The following ACTA1 variants were observed in gnomAD, a reference collection of about 807,000 sequenced individuals.
ACTA1 encodes actin, alpha skeletal muscle.
In ACTA1, 25 loss-of-function variants were observed where a neutral mutation model predicts 35.8. The ratio of observed to expected loss-of-function variants is 0.70; its 90% CI spans 0.51 to 0.97. The LOEUF (loss-of-function observed/expected upper bound fraction) is 0.97, where lower values mean the gene tolerates loss of function less well. ACTA1 is among the 50% of genes least tolerant of loss of function. The probability of loss-of-function intolerance (pLI) is 0.00; values close to 1 mark genes in which losing one functional copy is unlikely to be tolerated. For synonymous variants in ACTA1, 219 were observed against 217.1 expected (o/e 1.01, Z -0.08); for missense variants, 174 against 533.0 (o/e 0.33, Z 6.63).
rs1659927172 is a variant in ACTA1 at position 229,431,354 on chromosome 1, C to T, written c.*145G>A. The T allele has an allele frequency of 2.7e-6, 3 of 1,104,240 alleles. No homozygotes were observed. The highest frequency in any genetic ancestry group is 1.3e-5 in the South Asian group (1 of 78,324). 68.4% of individuals were successfully genotyped at this position (1,104,240 alleles called of 1,614,324 possible). A position where few individuals can be genotyped will look rare whatever the true frequency, so the allele number is the denominator to read the frequency against. On this transcript the variant is annotated 3_prime_UTR_variant, in exon 7 of 7. Coordinates refer to ENST00000366684, the MANE Select transcript of ACTA1 (RefSeq NM_001100.4). The surrounding 1 kb of genome is among the most constrained non-coding windows in gnomAD (Gnocchi z 7.1). ...ATGAGGTAATAAGTTAATGTATGTA[C>T]ACGTTATAAACACTGTGTCAGTTTA...
chr1:229,431,568 C>T lies in ACTA1; in HGVS notation c.1065G>A (p.Gln355=), dbSNP rs375945657. The T allele has an allele frequency of 9.0e-5, 146 of 1,613,824 alleles. No homozygotes were observed. The highest frequency in any genetic ancestry group is 1.1e-4 in the Non-Finnish European group (133 of 1,180,024). ...ACTCCTGCTTGGTGATCCACATCTG[C>T]TGGAAGGTGGACAGCGAGGCCAGGA... ...GSILASLSTF[Q]QMWITKQEYD... The change falls in exon 7 of 7, where the codon CAG becomes CAA. Residue 355 remains glutamine, a synonymous_variant. Coordinates refer to ENST00000366684, the MANE Select transcript of ACTA1 (RefSeq NM_001100.4). The surrounding 1 kb of genome is among the most constrained non-coding windows in gnomAD (Gnocchi z 7.1).
intron 4 of ACTA1, 25 bp downstream of exon 4, chr1:229,432,245 C>G (rs1430966462): frequency 6.2e-7 from 1 of 1,613,086 alleles, no homozygotes; most frequent in Admixed American, 1.7e-5. Context: ...GGCCCTCCCG[C>G]CCGGGGTGCA....
At chr1:229,432,939 T>C (rs1463090704) in intron 2 of ACTA1, 48 bp downstream of exon 2, 1 of 1,613,850 alleles carries the variant, frequency 6.2e-7, no homozygotes, top group Admixed American at 1.7e-5. Context: ...CCAGGCTGGC[T>C]TACGCGGGGA....
In ACTA1 at chr1:229,433,130, G is replaced by C; in HGVS notation, c.-12-3C>G. 1 of 1,614,052 alleles carries C rather than the reference G, an allele frequency of 6.2e-7. No homozygotes were observed. Among genetic ancestry groups the C allele is most frequent in the Non-Finnish European group, 8.5e-7 (1 of 1,179,970 alleles). ...TCGTCGCACATTGTGTCTAGTTTCT[G>C]CAAGGACAGGGAGACCGCGAAGAGG... On this transcript the variant is annotated splice_region_variant and splice_polypyrimidine_tract_variant and intron_variant, in intron 1 of 6. Transcript: ENST00000366684.
Position 229,431,479 on chromosome 1 carries a change from G to C in ACTA1, c.*20C>G, listed in dbSNP as rs765361206. ...AAGATTCGTCGTCCTGAGAAGTCGCGTGCTGGAGGTGGAGTGTGTCTAGAA... is the reference window on the plus strand; with the variant it reads ...AAGATTCGTCGTCCTGAGAAGTCGCCTGCTGGAGGTGGAGTGTGTCTAGAA... On this transcript the variant is annotated 3_prime_UTR_variant, in exon 7 of 7. Coordinates refer to ENST00000366684, the MANE Select transcript of ACTA1 (RefSeq NM_001100.4). The surrounding 1 kb of genome is among the most constrained non-coding windows in gnomAD (Gnocchi z 7.1). The C allele has an allele frequency of 2.1e-5, 34 of 1,612,538 alleles. No homozygotes were observed. Among genetic ancestry groups the C allele is most frequent in the Non-Finnish European group, 2.9e-5 (34 of 1,180,048 alleles).
chr1:229,432,544 G>A lies in ACTA1; in HGVS notation c.454+12C>T, dbSNP rs755756897. 6.2e-7 allele frequency: 1 copy of A among 1,603,066 alleles called. No homozygotes were observed. The highest frequency in any genetic ancestry group is 1.1e-5 in the South Asian group (1 of 89,124). On this transcript the variant is annotated intron_variant, in intron 3 of 6. Coordinates refer to ENST00000366684, the MANE Select transcript of ACTA1 (RefSeq NM_001100.4). The stretch of plus-strand genomic sequence containing the variant: ...GGGGCGGGAGAGGGGACTGGGGGCA[G>A]CGGGCACTCACCGGTGGTCCTGCCG...
In ACTA1 at chr1:229,432,063, C is replaced by T. The variant is rs1057521117; in HGVS notation, c.739G>A (p.Gly247Arg). ...TCGTTGCCGATGGTGATGACCTGCC[C>T]GTCTGGCAGCTCGTAGCTCTTTTCC... ...SLEKSYELPDGQVITIGNERF... is the reference protein window; with the variant it reads ...SLEKSYELPDRQVITIGNERF... Residue 247 changes from glycine (G) to arginine (R), a missense_variant, in exon 5 of 7, where the codon GGG becomes AGG. Coordinates refer to ENST00000366684, the MANE Select transcript of ACTA1 (RefSeq NM_001100.4). The T allele has an allele frequency of 6.2e-7, 1 of 1,612,550 alleles. No homozygotes were observed. The highest frequency in any genetic ancestry group is 8.5e-7 in the Non-Finnish European group (1 of 1,179,790).
chr1:229,431,959 G>A lies in ACTA1; in HGVS notation c.808+35C>T. 6.2e-7 allele frequency: 1 copy of A among 1,605,700 alleles called. No individual in the cohort carries two copies. Among genetic ancestry groups the A allele is most frequent in the Non-Finnish European group, 8.5e-7 (1 of 1,176,222 alleles). On this transcript the variant is annotated intron_variant, in intron 5 of 6. Transcript: ENST00000366684. The surrounding 1 kb of genome is among the most constrained non-coding windows in gnomAD (Gnocchi z 7.1). ...GCTCGGGGCGCCGGGGGCCGGCGGG[G>A]CCTGGGGGCCGGGGCGAGGGCGAGC...
In ACTA1 at chr1:229,431,398, T is replaced by C. The variant is rs1659929155; in HGVS notation, c.*101A>G. On this transcript the variant is annotated 3_prime_UTR_variant, in exon 7 of 7. Transcript: ENST00000366684. The surrounding 1 kb of genome is among the most constrained non-coding windows in gnomAD (Gnocchi z 7.1). The stretch of plus-strand genomic sequence containing the variant: ...CAGTTTACGATGGCAGCAACGGAAG[T>C]TGTTACAAAGAAAGTGACTGCGGGG... The C allele has an allele frequency of 6.0e-6, 9 of 1,492,140 alleles. No homozygotes were observed. In the Admixed American group the frequency reaches 8.4e-5, roughly 14 times the overall value. 92.4% of individuals were successfully genotyped at this position (1,492,140 alleles called of 1,614,324 possible).
chr1:229,432,415 G>C lies in ACTA1; in HGVS notation c.471C>G (p.Ser157=), dbSNP rs779530455. Residue 157 remains serine, a synonymous_variant, in exon 4 of 7, where the codon TCC becomes TCG. Transcript: ENST00000366684. ...SGRTTGIVLD[S]GDGVTHNVPI... Reference sequence around the variant, plus strand: ...GCACGTTGTGGGTGACGCCGTCGCCGGAGTCCAGCACGATGCCTGTGCGCG... The same window carrying C: ...GCACGTTGTGGGTGACGCCGTCGCCCGAGTCCAGCACGATGCCTGTGCGCG... The C allele has an allele frequency of 6.2e-7, 1 of 1,611,662 alleles. No individual in the cohort carries two copies. The highest frequency in any genetic ancestry group is 1.7e-5 in the Admixed American group (1 of 59,940).
At chr1:229,432,247 CG>C (rs931098868) in intron 4 of ACTA1, 22 bp downstream of exon 4, 3 of 1,613,078 alleles carry the variant, frequency 1.9e-6, no homozygotes, top group Admixed American at 1.7e-5. Context: ...CCCTCCCGCC[CG>C]GGGTGCAGGG....
Position 229,433,089 on chromosome 1 carries a change from G to T in ACTA1, c.27C>A (p.Ala9=), listed in dbSNP as rs749998721. 1 of 1,614,196 alleles carries T rather than the reference G, an allele frequency of 6.2e-7. No homozygotes were observed. Among genetic ancestry groups the T allele is most frequent in the Non-Finnish European group, 8.5e-7 (1 of 1,180,016 alleles). The change falls in exon 2 of 7, where the codon GCC becomes GCA. Residue 9 remains alanine (A), a synonymous_variant. Transcript: ENST00000366684. The stretch of plus-strand genomic sequence containing the variant: ...GGCCGGAGCCATTGTCGCACACGAG[G>T]GCGGTGGTCTCGTCTTCGTCGCACA... MCDEDETT[A]LVCDNGSGLV...
chr1:229,432,305 ATC>A lies in ACTA1; in HGVS notation c.579_580del (p.Lys193AsnfsTer4). On this transcript the variant is annotated frameshift_variant, in exon 4 of 7. Coordinates refer to ENST00000366684, the MANE Select transcript of ACTA1 (RefSeq NM_001100.4). LOFTEE classifies it high-confidence loss of function. ...GAAGGAGTAGCCACGCTCAGTGAGG[ATC>A]TTCATCAGGTAGTCGGTGAGATCGC... is the stretch of plus-strand genomic sequence containing the variant. The A allele has an allele frequency of 6.2e-7, 1 of 1,613,726 alleles. No individual in the cohort carries two copies. Among genetic ancestry groups the A allele is most frequent in the Non-Finnish European group, 8.5e-7 (1 of 1,179,824 alleles).
Position 229,431,686 on chromosome 1 carries a change from C to T in ACTA1, c.990+35G>A, listed in dbSNP as rs773313243. 5.6e-6 allele frequency: 9 copies of T among 1,613,832 alleles called. No individual in the cohort carries two copies. The highest frequency in any genetic ancestry group is 1.7e-5 in the Admixed American group (1 of 59,990). ...GGTGGGGAGACCTCACCCTGGAGCC[C>T]ACCCCGCCGACAGCCCGCGCAGGCC... On this transcript the variant is annotated intron_variant, in intron 6 of 6. Transcript: ENST00000366684. The surrounding 1 kb of genome is among the most constrained non-coding windows in gnomAD (Gnocchi z 7.1).
chr1:229,433,009 A>G lies in ACTA1; in HGVS notation c.107T>C (p.Ile36Thr). The stretch of plus-strand genomic sequence containing the variant: ...GACCTGGTGTCGGGGGCGGCCCACG[A>G]TGGACGGGAACACGGCCCTAGGGGC... Reference protein sequence around the residue: ...DDAPRAVFPSIVGRPRHQGVM... With the variant: ...DDAPRAVFPSTVGRPRHQGVM... Residue 36 changes from isoleucine to threonine, a missense_variant, in exon 2 of 7, where the codon ATC (isoleucine) becomes ACC (threonine). Ile to Thr is a moderately conservative substitution (Grantham distance 89). Coordinates refer to ENST00000366684, the MANE Select transcript of ACTA1 (RefSeq NM_001100.4). 6.2e-7 allele frequency: 1 copy of G among 1,613,658 alleles called. No individual in the cohort carries two copies. The highest frequency in any genetic ancestry group is 1.3e-5 in the African/African-American group (1 of 75,046).
intron 1 of ACTA1, 62 bp from the exon 2 acceptor site, chr1:229,433,189 G>C (rs557950724): frequency 2.5e-4 from 387 of 1,537,930 alleles, no homozygotes; most frequent in Non-Finnish European, 2.7e-4. Context: ...TCAGCGGCAG[G>C]GGGGGGTAAG....
intron 4 of ACTA1, 42 bp from the exon 5 acceptor site, chr1:229,432,227 C>T (rs1659959693): frequency 6.2e-7 from 1 of 1,612,524 alleles, no homozygotes; most frequent in East Asian, 2.2e-5. Flanking sequence ...CACTCAGGGG[C>T]CGCCGCCGGC....
chr1:229,432,250 G>A lies in ACTA1; in HGVS notation c.616+20C>T, dbSNP rs200705851. ...GGCCGCCGCCGGCCCTCCCGCCCGG[G>A]GTGCAGGGGCGCCGCGCACCTGTGG... On this transcript the variant is annotated intron_variant, in intron 4 of 6. Transcript: ENST00000366684. 2 of 1,613,202 alleles carry A rather than the reference G, an allele frequency of 1.2e-6. No homozygotes were observed. Among genetic ancestry groups the A allele is most frequent in the African/African-American group, 1.3e-5 (1 of 74,908 alleles).
Position 229,432,082 on chromosome 1 carries a change from C to T in ACTA1, c.720G>A (p.Lys240=), listed in dbSNP as rs771443604. The T allele has an allele frequency of 6.2e-7, 1 of 1,613,012 alleles. No individual in the cohort carries two copies. Residue 240 remains lysine (K), a synonymous_variant, in exon 5 of 7, where the codon AAG becomes AAA. Coordinates refer to ENST00000366684, the MANE Select transcript of ACTA1 (RefSeq NM_001100.4). ...CCTGCCCGTCTGGCAGCTCGTAGCT[C>T]TTTTCCAGGGAGGAGGAGGAGGCGG... ...ATAASSSSLE[K]SYELPDGQVI... is the part of the protein sequence containing the mutation.
Sources: gnomAD v4.1 joint callset for allele counts on GRCh38, gnomAD v4.1.1 for gene constraint, Gnocchi (gnomAD v3.1) non-coding constraint, MANE v1.5 for transcripts, NCBI Gene and HGNC (gene_info 2026-07-23, HGNC 2026-07-21) for gene names.